The following GRID2 variants were observed in gnomAD, a reference collection of about 807,000 sequenced individuals.
GRID2 encodes glutamate receptor ionotropic, delta-2.
GRID2 carries 33 observed loss-of-function variants against 114.8 expected under a neutral mutation model. The observed-to-expected ratio is 0.29, with a 90% CI of 0.22 to 0.38. The LOEUF (loss-of-function observed/expected upper bound fraction) is 0.38. Among genes scored for constraint, GRID2 ranks in the 10% least tolerant of loss-of-function variants. The pLI, the probability that GRID2 is intolerant of heterozygous loss-of-function variation, is 1.00. For synonymous variants in GRID2, 505 were observed against 449.9 expected (o/e 1.12, Z -1.55); for missense variants, 1,184 against 1,257.7 (o/e 0.94, Z 0.89).
chr4:92,779,212 G>A (rs1738953264), intron 2 of GRID2, among the ~76,000 whole-genome samples: 1 of 149,452 alleles, frequency 6.7e-6, no homozygotes, highest in South Asian at 2.2e-4. Context: ...GTGTGTGTAT[G>A]TGTGTGTGTA....
chr4:92,898,845 C>G (rs1169287065), intron 2 of GRID2, among the ~76,000 whole-genome samples: 1 of 151,942 alleles, frequency 6.6e-6, no homozygotes, highest in East Asian at 1.9e-4. Context: ...AGCAGTTTTC[C>G]CATTATTTTT....
chr4:93,654,429 T>C lies in GRID2; in HGVS notation c.2360+27994T>C, dbSNP rs188640034. Among the ~76,000 whole-genome samples the C allele has an allele frequency of 7.2e-5, 11 of 152,314 alleles. No homozygotes were observed. In the East Asian group the frequency reaches 1.9e-3, roughly 27 times the overall value. On this transcript the variant is annotated intron_variant, in intron 14 of 15. Transcript: ENST00000282020. ...ACTGCTCAGCTAAAACTTCCATTTG[T>C]ATGCATTTATTCTGCTTCACACATT...
chr4:93,123,925 G>A (rs537318398), intron 4 of GRID2, among the ~76,000 whole-genome samples: 2 of 144,390 alleles, frequency 1.4e-5, no homozygotes, highest in Admixed American at 7.1e-5. Flanking sequence ...AAAAACAAAC[G>A]GAGTAGTTAG....
intron 4 of GRID2, among the ~76,000 whole-genome samples, chr4:93,124,069 C>T (rs1451220557): frequency 7.1e-6 from 1 of 140,330 alleles, no homozygotes; most frequent in Non-Finnish European, 1.5e-5. Context: ...AACTAACCTG[C>T]ACAATGTGCA....
chr4:92,676,256 C>T (rs1403536147), intron 2 of GRID2, among the ~76,000 whole-genome samples: 1 of 10 alleles, frequency 0.1, no homozygotes, highest in Admixed American at 0.5. Flanking sequence ...TCTCGGCTCA[C>T]TGCAAGTCCG....
chr4:93,726,024 A>T (rs376899006), intron 14 of GRID2, among the ~76,000 whole-genome samples: 1 of 152,136 alleles, frequency 6.6e-6, no homozygotes, highest in South Asian at 2.1e-4. Context: ...TTTGGTTGCC[A>T]TTGCTTTTGG....
chr4:93,272,689 A>G (rs1353422294), intron 8 of GRID2, among the ~76,000 whole-genome samples: 1 of 152,176 alleles, frequency 6.6e-6, no homozygotes, highest in African/African-American at 2.4e-5. Context: ...TCTAGCTGAT[A>G]TGTAAGAATA....
At chr4:93,542,191 G>C (rs1175250511) in intron 13 of GRID2, among the ~76,000 whole-genome samples, 1 of 152,124 alleles carries the variant, frequency 6.6e-6, no homozygotes, top group African/African-American at 2.4e-5. Context: ...CAAAGACCTT[G>C]TCTGTCTCCT....
rs1247114082 is a variant in GRID2 at position 92,544,999 on chromosome 4, A to C, written c.89-45132A>C. Among the ~76,000 whole-genome samples, 3 of 152,024 alleles carry C rather than the reference A, an allele frequency of 2.0e-5. No individual in the cohort carries two copies. The East Asian group carries it at 5.8e-4, about 29-fold the overall frequency. ...ACCCGAGAAATACATCCCATATTTCATATTTCTAAGCATTTGGGGAGCCAC... is the reference window on the plus strand; with the variant it reads ...ACCCGAGAAATACATCCCATATTTCCTATTTCTAAGCATTTGGGGAGCCAC... On this transcript the variant is annotated intron_variant, in intron 1 of 15. Coordinates refer to ENST00000282020, the MANE Select transcript of GRID2 (RefSeq NM_001510.4).
intron 14 of GRID2, among the ~76,000 whole-genome samples, chr4:93,676,248 T>G (rs77233224): frequency 0.031 from 4,653 of 152,286 alleles, 112 homozygotes; most frequent in African/African-American, 0.062. Flanking sequence ...GGAGAAATGT[T>G]TTGGGTAAAT....
At chr4:92,934,047 A>G (rs1387757613) in intron 2 of GRID2, among the ~76,000 whole-genome samples, 2 of 151,786 alleles carry the variant, frequency 1.3e-5, no homozygotes, top group South Asian at 2.1e-4. Flanking sequence ...TAATATCTCT[A>G]AAGAATGAGT....
At chr4:92,682,452 A>G (rs934482383) in intron 2 of GRID2, among the ~76,000 whole-genome samples, 57 of 152,218 alleles carry the variant, frequency 3.7e-4, no homozygotes, top group African/African-American at 1.3e-3. Flanking sequence ...TGCGATTTTG[A>G]TCTACAGTAA....
chr4:93,774,930 T>A (rs544134933), downstream of GRID2, among the ~76,000 whole-genome samples: 1 of 152,110 alleles, frequency 6.6e-6, no homozygotes, highest in East Asian at 1.9e-4. Flanking sequence ...GACAAGAAAA[T>A]TAAGGGTAAT....
chr4:93,246,444 G>C (rs1395646298), intron 8 of GRID2, among the ~76,000 whole-genome samples: 1 of 151,832 alleles, frequency 6.6e-6, no homozygotes, highest in Admixed American at 6.6e-5. Flanking sequence ...AAAATTAGCT[G>C]GGTGTGGTGG....
At chr4:92,425,435 A>G (rs1268280168) in intron 1 of GRID2, among the ~76,000 whole-genome samples, 1 of 152,108 alleles carries the variant, frequency 6.6e-6, no homozygotes, top group African/African-American at 2.4e-5. Context: ...GATCACCACA[A>G]AGTGAAATTT....
intron 10 of GRID2, among the ~76,000 whole-genome samples, chr4:93,451,853 C>T (rs1722715705): frequency 6.6e-6 from 1 of 152,052 alleles, no homozygotes. Context: ...TATAAAAAGA[C>T]ACCATTAAAG....
intron 3 of GRID2, among the ~76,000 whole-genome samples, chr4:93,087,099 A>G (rs1484896233): frequency 6.6e-6 from 1 of 151,742 alleles, no homozygotes; most frequent in African/African-American, 2.4e-5. Context: ...CAGTGTCACA[A>G]TCTCGGCTCA....
At chr4:93,499,417 G>A (rs1329183267) in intron 12 of GRID2, among the ~76,000 whole-genome samples, 1 of 151,804 alleles carries the variant, frequency 6.6e-6, no homozygotes, top group Non-Finnish European at 1.5e-5. Context: ...AACTCCATTA[G>A]CAAAGCATAT....
At chr4:92,906,201 T>C (rs766288643) in intron 2 of GRID2, among the ~76,000 whole-genome samples, 3 of 150,948 alleles carry the variant, frequency 2.0e-5, no homozygotes, top group African/African-American at 7.3e-5. Flanking sequence ...ATTTGAAAAT[T>C]TGATTATTTG....
Sources: gnomAD v4.1 joint callset for allele counts (sites outside exome capture counted in the v4.1 genomes callset) on GRCh38, gnomAD v4.1.1 for gene constraint, MANE v1.5 for transcripts, NCBI Gene and HGNC (gene_info 2026-07-23, HGNC 2026-07-21) for gene names.